PRKAA2: variants seen among roughly 807,000 people sequenced by gnomAD.
PRKAA2 encodes the protein 5'-AMP-activated protein kinase catalytic subunit alpha-2.
In PRKAA2, 40 loss-of-function variants were observed where a neutral mutation model predicts 56.3. The observed-to-expected ratio is 0.71, with a 90% CI of 0.55 to 0.92. PRKAA2 has a LOEUF of 0.92. Among genes scored for constraint, PRKAA2 ranks in the 40% least tolerant of loss-of-function variants. The probability of loss-of-function intolerance (pLI) is 0.00; values close to 1 mark genes in which losing one functional copy is unlikely to be tolerated. For synonymous variants in PRKAA2, 214 were observed against 234.2 expected (o/e 0.91, Z 0.79); for missense variants, 542 against 686.9 (o/e 0.79, Z 2.36).
chr1:56,696,049 C>A lies in PRKAA2; in HGVS notation c.678C>A (p.Ile226=). The A allele has an allele frequency of 6.2e-7, 1 of 1,612,592 alleles. No individual in the cohort carries two copies. The highest frequency in any genetic ancestry group is 1.3e-5 in the African/African-American group (1 of 74,522). The change falls in exon 6 of 9, where the codon ATC becomes ATA. Residue 226 remains isoleucine (I), a synonymous_variant. Transcript: ENST00000371244. ...ATGTACCTACGTTATTTAAGAAGAT[C>A]CGAGGGGGTGTCTTTTATATCCCAG... is the stretch of plus-strand genomic sequence containing the variant. ...DEHVPTLFKK[I]RGGVFYIPEY... is the part of the protein sequence containing the mutation.
rs1644228027 is a variant in PRKAA2, at chr1:56,691,488, G to T, written c.330+1G>T. ...TGACTACATCTGTAAGCATGGACGG[G>T]TGAGTAACATACTATCTGGTACACT... On this transcript the variant is annotated splice_donor_variant, in intron 3 of 8. Coordinates refer to ENST00000371244, the MANE Select transcript of PRKAA2 (RefSeq NM_006252.4). LOFTEE classifies it high-confidence loss of function. The T allele has an allele frequency of 6.3e-7, 1 of 1,594,350 alleles. No individual in the cohort carries two copies. Among genetic ancestry groups the T allele is most frequent in the Non-Finnish European group, 8.6e-7 (1 of 1,163,010 alleles).
intron 2 of PRKAA2, among the ~76,000 whole-genome samples, chr1:56,677,909 A>G (rs1644125155): frequency 6.6e-6 from 1 of 152,140 alleles, no homozygotes; most frequent in Non-Finnish European, 1.5e-5. Flanking sequence ...AGCCTGCCGC[A>G]GCCTCCCAAA....
intron 4 of PRKAA2, 138 bp downstream of exon 4, chr1:56,692,640 T>A: frequency 1.7e-6 from 1 of 604,126 alleles, no homozygotes; most frequent in Non-Finnish European, 2.4e-6. Flanking sequence ...CCTCAGTAGC[T>A]TTTTTTTTTC....
At chr1:56,670,661 C>A (rs1476826161) in intron 1 of PRKAA2, among the ~76,000 whole-genome samples, 1 of 152,178 alleles carries the variant, frequency 6.6e-6, no homozygotes, top group Non-Finnish European at 1.5e-5. Context: ...GGACAACCAG[C>A]AGTGTAATGT....
At chr1:56,695,579 G>A (rs977221716) in intron 5 of PRKAA2, among the ~76,000 whole-genome samples, 1 of 151,820 alleles carries the variant, frequency 6.6e-6, no homozygotes, top group Non-Finnish European at 1.5e-5. Flanking sequence ...TAGTTCTTTG[G>A]GAAAAAGATT....
At chr1:56,691,888 C>T (rs1313562057) in intron 3 of PRKAA2, among the ~76,000 whole-genome samples, 1 of 152,068 alleles carries the variant, frequency 6.6e-6, no homozygotes, top group East Asian at 1.9e-4. Context: ...ACAAACTTGT[C>T]TTTTGACATG....
chr1:56,709,239 AGAC>A lies in PRKAA2; in HGVS notation c.*1527_*1529del, dbSNP rs1339908917. The A allele has an allele frequency of 1.3e-5, 2 of 152,198 alleles. No homozygotes were observed. The highest frequency in any genetic ancestry group is 2.4e-5 in the African/African-American group (1 of 41,454). 9.4% of individuals were successfully genotyped at this position (152,198 alleles called of 1,614,324 possible). ...CTGCCAAGAAGCAAATGAGAATGTT[AGAC>A]TAAGTTTCTCCTGTGTTAGTGGAAA... is the stretch of plus-strand genomic sequence containing the variant. On this transcript the variant is annotated 3_prime_UTR_variant, in exon 9 of 9. Coordinates refer to ENST00000371244, the MANE Select transcript of PRKAA2 (RefSeq NM_006252.4).
intron 2 of PRKAA2, among the ~76,000 whole-genome samples, chr1:56,675,345 A>AT (rs11358468): frequency 1.5e-4 from 23 of 150,858 alleles, no homozygotes; most frequent in African/African-American, 3.6e-4. Context: ...TGTACCAAGC[A>AT]TTTTTTTTTT....
chr1:56,651,077 G>A (rs1643892631), intron 1 of PRKAA2, among the ~76,000 whole-genome samples: 1 of 152,096 alleles, frequency 6.6e-6, no homozygotes, highest in Admixed American at 6.5e-5. Context: ...TTAACTCCCT[G>A]GGCCTTGTTT....
In PRKAA2 at chr1:56,715,187, A is replaced by T. The variant is rs1258616899; in HGVS notation, c.*7474A>T. ...AAGATGTCTTCCTGAATTACATAGC[A>T]TTTCATAGTTACAGATTCTTCCTAA... On this transcript the variant is annotated 3_prime_UTR_variant, in exon 9 of 9. Coordinates refer to ENST00000371244, the MANE Select transcript of PRKAA2 (RefSeq NM_006252.4). 5.9e-5 allele frequency: 9 copies of T among 152,184 alleles called. No individual in the cohort carries two copies. Among genetic ancestry groups the T allele is most frequent in the Non-Finnish European group, 1.2e-4 (8 of 68,026 alleles). The allele number at this position is 152,184 out of a possible 1,614,324, so 9.4% of individuals were successfully genotyped here.
intron 1 of PRKAA2, among the ~76,000 whole-genome samples, chr1:56,653,135 A>T (rs6588641): frequency 0.43 from 65,494 of 151,126 alleles, 14,691 homozygotes; most frequent in Middle Eastern, 0.54. Context: ...AGTGTTAAAT[A>T]TTGGTTCCAA....
chr1:56,683,529 A>G (rs745868128), intron 2 of PRKAA2, among the ~76,000 whole-genome samples: 62 of 152,162 alleles, frequency 4.1e-4, no homozygotes, highest in Non-Finnish European at 8.1e-4. Context: ...TCAACAGATG[A>G]CACCATTTAG....
intron 2 of PRKAA2, among the ~76,000 whole-genome samples, chr1:56,688,485 G>T (rs947041178): frequency 1.3e-5 from 2 of 152,164 alleles, no homozygotes; most frequent in African/African-American, 2.4e-5. Flanking sequence ...GCATCTGTGA[G>T]TGCAAAAAGG....
chr1:56,681,652 G>C (rs1430232396), intron 2 of PRKAA2, among the ~76,000 whole-genome samples: 2 of 152,204 alleles, frequency 1.3e-5, no homozygotes, highest in Non-Finnish European at 2.9e-5. Flanking sequence ...GTTTGTCAAA[G>C]ATCAGATGGT....
At chr1:56,663,242 C>T (rs1644008998) in intron 1 of PRKAA2, among the ~76,000 whole-genome samples, 1 of 152,172 alleles carries the variant, frequency 6.6e-6, no homozygotes, top group Non-Finnish European at 1.5e-5. Context: ...TGTGCCACCA[C>T]ACTTGGGTCA....
chr1:56,672,420 G>A (rs1374778209), intron 1 of PRKAA2, among the ~76,000 whole-genome samples: 1 of 152,024 alleles, frequency 6.6e-6, no homozygotes, highest in Admixed American at 6.6e-5. Flanking sequence ...CTTGGCCCTT[G>A]AATTTAGTTT....
Position 56,646,526 on chromosome 1 carries a change from C to T in PRKAA2, c.94+1045C>T, listed in dbSNP as rs1646643893. 1.3e-5 allele frequency among the ~76,000 whole-genome samples: 2 copies of T among 152,124 alleles called. 1 individual carries two copies. Among genetic ancestry groups the T allele is most frequent in the South Asian group, 4.1e-4 (2 of 4,824 alleles). On this transcript the variant is annotated intron_variant, in intron 1 of 8. Coordinates refer to ENST00000371244, the MANE Select transcript of PRKAA2 (RefSeq NM_006252.4). ...TAAGTATGGAACTTTCATTTGTTTT[C>T]TTTTTTGTTAATTAGTCACATGTGA...
chr1:56,694,405 A>G (rs1460377216), intron 5 of PRKAA2, among the ~76,000 whole-genome samples: 1 of 152,184 alleles, frequency 6.6e-6, no homozygotes, highest in Non-Finnish European at 1.5e-5. Context: ...TGTGATTTTA[A>G]AAGTTAACAG....
At chr1:56,689,750 C>T (rs909687756) in intron 2 of PRKAA2, among the ~76,000 whole-genome samples, 1 of 151,968 alleles carries the variant, frequency 6.6e-6, no homozygotes, top group Non-Finnish European at 1.5e-5. Context: ...CTAATTTTAA[C>T]GTCTCCAAAA....
Sources: allele counts gnomAD v4.1 joint callset (sites outside exome capture counted in the v4.1 genomes callset), GRCh38; gene constraint gnomAD v4.1.1; transcripts MANE v1.5; gene names NCBI Gene and HGNC (gene_info 2026-07-23, HGNC 2026-07-21).